CORIN: variants seen among roughly 807,000 people sequenced by gnomAD.
CORIN encodes atrial natriuretic peptide-converting enzyme.
A neutral mutation model predicts 125.3 loss-of-function variants in CORIN; 117 were observed. The observed-to-expected ratio is 0.93, with a 90% CI of 0.80 to 1.09. CORIN has a LOEUF of 1.09. Ranked by LOEUF, CORIN falls within the 50% of genes least tolerant of loss-of-function variation. CORIN has a pLI of 0.00. For missense variants in CORIN, 1,253 were observed against 1,306.7 expected, an observed-to-expected ratio of 0.96 and a Z score of 0.63; for synonymous variants, 450 against 466.4, an observed-to-expected ratio of 0.96 and a Z score of 0.45.
intron 3 of CORIN, among the ~76,000 whole-genome samples, chr4:47,764,048 A>C (rs1729594394): frequency 6.6e-6 from 1 of 152,186 alleles, no homozygotes; most frequent in Non-Finnish European, 1.5e-5. Context: ...TAAAAGATAG[A>C]AATCATCTAA....
intron 19 of CORIN, among the ~76,000 whole-genome samples, chr4:47,612,805 T>G (rs1384269855): frequency 6.6e-6 from 1 of 152,116 alleles, no homozygotes; most frequent in Non-Finnish European, 1.5e-5. Context: ...CTCTTGTGAG[T>G]CATAAGGTGA....
chr4:47,644,424 T>C (rs1031902173), intron 14 of CORIN, among the ~76,000 whole-genome samples: 1 of 152,206 alleles, frequency 6.6e-6, no homozygotes, highest in Non-Finnish European at 1.5e-5. Context: ...AAACATGTGA[T>C]ATGTATATGA....
chr4:47,782,080 A>G (rs1337307963), intron 3 of CORIN, among the ~76,000 whole-genome samples: 1 of 152,134 alleles, frequency 6.6e-6, no homozygotes, highest in African/African-American at 2.4e-5. Flanking sequence ...GTCTGACGCA[A>G]AAAATTGATA....
chr4:47,714,930 A>G (rs1439382678), intron 5 of CORIN, among the ~76,000 whole-genome samples: 1 of 152,246 alleles, frequency 6.6e-6, no homozygotes, highest in Non-Finnish European at 1.5e-5. Flanking sequence ...AAATGTTGCT[A>G]TTATGACTAA....
At chr4:47,609,768 C>T (rs540850116) in intron 19 of CORIN, among the ~76,000 whole-genome samples, 3 of 152,264 alleles carry the variant, frequency 2.0e-5, no homozygotes, top group Admixed American at 2.0e-4. Context: ...ACCCCTACCC[C>T]CAACAGGCCT....
chr4:47,716,413 G>C (rs1727091543), intron 5 of CORIN, among the ~76,000 whole-genome samples: 2 of 152,168 alleles, frequency 1.3e-5, no homozygotes, highest in Non-Finnish European at 2.9e-5. Context: ...TGAAAGTTTT[G>C]TGTATACAAC....
In CORIN at chr4:47,651,281, G is replaced by A. The variant is rs544541439; in HGVS notation, c.1843+2272C>T. Reference sequence around the variant, plus strand: ...AAGCTCAAACACTTAATAACACAACGGACAGAATAAGTCAGAAAGGCAAGA... The same window carrying A: ...AAGCTCAAACACTTAATAACACAACAGACAGAATAAGTCAGAAAGGCAAGA... On this transcript the variant is annotated intron_variant, in intron 13 of 21. Transcript: ENST00000273857. Among the ~76,000 whole-genome samples the A allele has an allele frequency of 7.9e-5, 12 of 152,298 alleles. No homozygotes were observed. In the South Asian group the frequency reaches 2.1e-3, roughly 26 times the overall value.
chr4:47,602,907 C>A (rs964078735), intron 20 of CORIN, among the ~76,000 whole-genome samples: 6 of 152,050 alleles, frequency 3.9e-5, no homozygotes, highest in Admixed American at 1.3e-4. Flanking sequence ...CATTCTGTTA[C>A]CCAGGCAGTG....
At chr4:47,751,954 AG>A (rs1275555599) in intron 4 of CORIN, among the ~76,000 whole-genome samples, 2 of 151,474 alleles carry the variant, frequency 1.3e-5, no homozygotes, top group African/African-American at 4.8e-5. Flanking sequence ...CCCTTACGTC[AG>A]GCCCCCCCAC....
At position 47,686,175 on chromosome 4, in the gene CORIN, T is replaced by TA. The variant is rs959576901; in HGVS notation, c.914-2338dup. 2.4e-3 allele frequency among the ~76,000 whole-genome samples: 345 copies of TA among 145,210 alleles called. 3 individuals carry two copies. The highest frequency in any genetic ancestry group is 8.0e-3 in the African/African-American group (315 of 39,336). ...TTACTGTTTCAAAAAAGCACTCTTCTAAAAAAAAAACAACTTAAAGTTTTT... is the reference window on the plus strand; with the variant it reads ...TTACTGTTTCAAAAAAGCACTCTTCTAAAAAAAAAAACAACTTAAAGTTTTT... On this transcript the variant is annotated intron_variant, in intron 6 of 21. Coordinates refer to ENST00000273857, the MANE Select transcript of CORIN (RefSeq NM_006587.4).
chr4:47,738,696 G>A (rs1376683466), intron 5 of CORIN, among the ~76,000 whole-genome samples: 2 of 152,010 alleles, frequency 1.3e-5, no homozygotes, highest in Non-Finnish European at 2.9e-5. Context: ...TATAGAGGGG[G>A]AAAAAACAGT....
chr4:47,642,149 T>A, intron 15 of CORIN, 100 bp from the exon 16 acceptor site: 1 of 1,264,230 alleles, frequency 7.9e-7, no homozygotes, highest in East Asian at 2.6e-5. Context: ...TACATTCATT[T>A]TCATTTATTT....
chr4:47,778,504 T>G (rs1455776163), intron 3 of CORIN, among the ~76,000 whole-genome samples: 1 of 152,018 alleles, frequency 6.6e-6, no homozygotes, highest in Admixed American at 6.6e-5. Context: ...CATCTAAAGA[T>G]GGAATGAGGA....
intron 5 of CORIN, among the ~76,000 whole-genome samples, chr4:47,739,193 A>C (rs1436946265): frequency 1.3e-5 from 2 of 152,096 alleles, no homozygotes; most frequent in Non-Finnish European, 2.9e-5. Context: ...ATACATCTGC[A>C]TAACAAAGAA....
intron 20 of CORIN, among the ~76,000 whole-genome samples, chr4:47,601,774 T>C (rs1488239376): frequency 2.0e-5 from 3 of 152,220 alleles, no homozygotes; most frequent in African/African-American, 7.2e-5. Flanking sequence ...TCAAAATTGT[T>C]ACATGTGAGT....
intron 5 of CORIN, among the ~76,000 whole-genome samples, chr4:47,719,077 T>C (rs1443896722): frequency 4.6e-5 from 7 of 152,210 alleles, no homozygotes; most frequent in African/African-American, 1.7e-4. Context: ...CAAGCCTCTC[T>C]CCTGAATTTC....
intron 6 of CORIN, among the ~76,000 whole-genome samples, chr4:47,684,186 C>T (rs1263232604): frequency 6.6e-6 from 1 of 152,202 alleles, no homozygotes; most frequent in African/African-American, 2.4e-5. Flanking sequence ...TTTAGTAACT[C>T]TTATGTTTTC....
intron 6 of CORIN, among the ~76,000 whole-genome samples, chr4:47,687,738 A>G (rs560163164): frequency 1.3e-5 from 2 of 152,168 alleles, no homozygotes; most frequent in Non-Finnish European, 2.9e-5. Context: ...TAAATATGGA[A>G]AGGACCAGAG....
At chr4:47,633,840 A>G (rs1277393725) in intron 16 of CORIN, among the ~76,000 whole-genome samples, 1 of 152,190 alleles carries the variant, frequency 6.6e-6, no homozygotes, top group African/African-American at 2.4e-5. Context: ...TTTTTCTAAC[A>G]CAAGTCTTGC....
Sources: allele counts gnomAD v4.1 joint callset (sites outside exome capture counted in the v4.1 genomes callset), GRCh38; gene constraint gnomAD v4.1.1; transcripts MANE v1.5; gene names NCBI Gene and HGNC (gene_info 2026-07-23, HGNC 2026-07-21).